Variants in FAM227A observed in about 807,000 individuals in gnomAD.
The protein encoded by FAM227A is protein FAM227A.
FAM227A carries 80 observed loss-of-function variants against 74.7 expected under a neutral mutation model. That is an observed-to-expected ratio of 1.07 (90% CI 0.89 to 1.29). FAM227A has a LOEUF of 1.29. Ranked by LOEUF, FAM227A falls within the 50% of genes most tolerant of loss-of-function variation. The pLI, the probability that FAM227A is intolerant of heterozygous loss-of-function variation, is 0.00. For missense variants in FAM227A, 654 were observed against 683.4 expected, an observed-to-expected ratio of 0.96 and a Z score of 0.48; for synonymous variants, 237 against 241.8, an observed-to-expected ratio of 0.98 and a Z score of 0.19.
chr22:38,600,638 G>A (rs1251301626), intron 13 of FAM227A, among the ~76,000 whole-genome samples: 2 of 151,858 alleles, frequency 1.3e-5, no homozygotes, highest in Non-Finnish European at 2.9e-5. Context: ...ATGCCCAGCC[G>A]ATAGTGTTAT....
In FAM227A at chr22:38,592,139, G is replaced by A. The variant is rs185585288; in HGVS notation, c.1533-599C>T. Among the ~76,000 whole-genome samples the A allele has an allele frequency of 1.8e-3, 268 of 151,804 alleles. 2 individuals are homozygous for A. Among genetic ancestry groups the A allele is most frequent in the African/African-American group, 5.9e-3 (243 of 41,376 alleles). ...AATTTTTTGTATTTTCAGTAGAGAC[G>A]GGTTTCACAGTGTTAGCCAGGATGG... is the stretch of plus-strand genomic sequence containing the variant. On this transcript the variant is annotated intron_variant, in intron 15 of 16. Coordinates refer to ENST00000535113, the MANE Select transcript of FAM227A (RefSeq NM_001013647.2).
intron 13 of FAM227A, among the ~76,000 whole-genome samples, chr22:38,603,717 T>G (rs2091224825): frequency 6.6e-6 from 1 of 152,060 alleles, no homozygotes; most frequent in African/African-American, 2.4e-5. Flanking sequence ...CAGGAAAACA[T>G]CAGGCCCCCA....
At chr22:38,608,650 C>T (rs908356983) in intron 11 of FAM227A, among the ~76,000 whole-genome samples, 3 of 151,614 alleles carry the variant, frequency 2.0e-5, no homozygotes, top group Admixed American at 1.3e-4. Flanking sequence ...AGGTTGGTCT[C>T]GAACTCTTGA....
In FAM227A at chr22:38,628,342, G is replaced by A; in HGVS notation, c.622C>T (p.Pro208Ser). 1 of 1,546,090 alleles carries A rather than the reference G, an allele frequency of 6.5e-7. No homozygotes were observed. Among genetic ancestry groups the A allele is most frequent in the Non-Finnish European group, 8.8e-7 (1 of 1,142,244 alleles). Residue 208 changes from proline (P) to serine (S), a missense_variant and splice_region_variant, in exon 8 of 17, where the codon CCA becomes TCA. Transcript: ENST00000535113. ...AGATTATTCTGGAGCTCCTTGTTTG[G>A]CTGCCAGGAATAGAAATGAAAAAGG... ...FWWIFHERYQ[P>S]NKELQNNLFD... is the part of the protein sequence containing the mutation.
At chr22:38,623,077 G>A in intron 10 of FAM227A, 95 bp downstream of exon 10, 2 of 847,404 alleles carry the variant, frequency 2.4e-6, no homozygotes, top group Non-Finnish European at 3.8e-6. Flanking sequence ...AACTTGACCT[G>A]AGGACATCAA....
chr22:38,649,386 G>A (rs1039792111), intron 2 of FAM227A, among the ~76,000 whole-genome samples: 7 of 152,004 alleles, frequency 4.6e-5, no homozygotes, highest in Admixed American at 4.6e-4. Context: ...CCAACATGGT[G>A]AAACCCCATC....
chr22:38,595,752 G>A (rs1370997408), intron 15 of FAM227A, among the ~76,000 whole-genome samples: 2 of 152,176 alleles, frequency 1.3e-5, no homozygotes, highest in Non-Finnish European at 2.9e-5. Context: ...CTCCTAATGG[G>A]ATGCAACATA....
intron 9 of FAM227A, among the ~76,000 whole-genome samples, chr22:38,624,420 G>A (rs189210461): frequency 1.3e-5 from 2 of 152,162 alleles, no homozygotes; most frequent in African/African-American, 4.8e-5. Context: ...TGGGTGTGCA[G>A]AAGAGTTAAC....
At chr22:38,623,385 A>G in intron 9 of FAM227A, 106 bp from the exon 10 acceptor site, 1 of 697,210 alleles carries the variant, frequency 1.4e-6, no homozygotes, top group Non-Finnish European at 2.5e-6. Flanking sequence ...AGCCCAGGAG[A>G]CCAGCCTAGG....
At position 38,623,223 on chromosome 22, in the gene FAM227A, C is replaced by G; in HGVS notation, c.907G>C (p.Glu303Gln). ...ATTAATTCTTCTCTGCGGAATCGCT[C>G]TGGGTCTAGTTCCGAGTAGTCCCAG... ...DSWDYSELDP[E>Q]RFRREELMLY... The change falls in exon 10 of 17, where the codon GAG (glutamate) becomes CAG (glutamine). Residue 303 changes from glutamate to glutamine, a missense_variant. Transcript: ENST00000535113. 1 of 1,551,694 alleles carries G rather than the reference C, an allele frequency of 6.4e-7. No individual in the cohort carries two copies. Among genetic ancestry groups the G allele is most frequent in the Non-Finnish European group, 8.7e-7 (1 of 1,146,964 alleles).
chr22:38,652,519 C>T (rs1308686866), intron 1 of FAM227A, among the ~76,000 whole-genome samples: 1 of 148,096 alleles, frequency 6.8e-6, no homozygotes, highest in Non-Finnish European at 1.5e-5. Context: ...ACCCAGGAGG[C>T]GGAGCTTGCA....
At chr22:38,604,124 C>T (rs1210057226) in intron 13 of FAM227A, among the ~76,000 whole-genome samples, 5 of 152,000 alleles carry the variant, frequency 3.3e-5, no homozygotes, top group African/African-American at 7.2e-5. Context: ...ATCGCGAGTT[C>T]GAGACCAGCC....
At chr22:38,639,792 G>A (rs935870501) in intron 3 of FAM227A, 68 bp from the exon 4 acceptor site, 6 of 1,102,676 alleles carry the variant, frequency 5.4e-6, no homozygotes, top group Non-Finnish European at 8.1e-6. Flanking sequence ...TGGGGTTAGG[G>A]TCTAGGCGTT....
chr22:38,603,487 C>CAAA (rs71197122), intron 13 of FAM227A, among the ~76,000 whole-genome samples: 4 of 123,082 alleles, frequency 3.2e-5, no homozygotes, highest in African/African-American at 8.8e-5. Context: ...GACTCCGTCT[C>CAAA]AAAAAAAAAA....
intron 11 of FAM227A, among the ~76,000 whole-genome samples, chr22:38,614,718 G>C (rs895473149): frequency 2.0e-5 from 3 of 152,154 alleles, no homozygotes; most frequent in African/African-American, 4.8e-5. Flanking sequence ...TATTTTGGGG[G>C]CAGTAAATGG....
chr22:38,618,376 A>C (rs1356098257), intron 11 of FAM227A: 1 of 152,154 alleles, frequency 6.6e-6, no homozygotes. Flanking sequence ...ATCTTCCATT[A>C]GTTTCTCCCA....
chr22:38,625,943 CAAAAAAAAA>C lies in FAM227A; in HGVS notation c.850+228_850+236del, dbSNP rs141715277. Among the ~76,000 whole-genome samples the C allele has an allele frequency of 5.6e-5, 4 of 71,536 alleles. No homozygotes were observed. In the Admixed American group the frequency reaches 6.7e-4, roughly 12 times the overall value. The allele number at this position is 71,536 out of a possible 152,430, so 46.9% of individuals were successfully genotyped here. On this transcript the variant is annotated intron_variant, in intron 9 of 16. Transcript: ENST00000535113. ...GGGTGACCGAGCGAGACTCTATCTCCAAAAAAAAAAAAAAAAAAAGGATTAGGAAGGGAT... is the reference window on the plus strand; with the variant it reads ...GGGTGACCGAGCGAGACTCTATCTCCAAAAAAAAAAGGATTAGGAAGGGAT...
At chr22:38,652,720 A>C (rs998557524) in intron 1 of FAM227A, among the ~76,000 whole-genome samples, 2 of 150,956 alleles carry the variant, frequency 1.3e-5, no homozygotes. Flanking sequence ...CTCCGTCTCT[A>C]CTAAAAATTA....
intron 11 of FAM227A, among the ~76,000 whole-genome samples, chr22:38,611,014 T>C (rs2091401566): frequency 6.6e-6 from 1 of 152,056 alleles, no homozygotes; most frequent in Non-Finnish European, 1.5e-5. Flanking sequence ...GAGCCGAGAT[T>C]GTGCCATTGC....
Sources: allele counts gnomAD v4.1 joint callset (sites outside exome capture counted in the v4.1 genomes callset), GRCh38; gene constraint gnomAD v4.1.1; transcripts MANE v1.5; gene names NCBI Gene and HGNC (gene_info 2026-07-23, HGNC 2026-07-21).